The following HS3ST3A1 variants were observed in gnomAD, a reference collection of about 807,000 sequenced individuals.
HS3ST3A1 encodes the protein heparan sulfate-glucosamine 3-sulfotransferase 3A1, also known as heparan sulfate glucosamine 3-O-sulfotransferase 3A1.
In HS3ST3A1, 19 loss-of-function variants were observed where a neutral mutation model predicts 25.7. That is an observed-to-expected ratio of 0.74 (90% CI 0.52 to 1.08). HS3ST3A1 has a LOEUF of 1.08. HS3ST3A1 is among the 50% of genes least tolerant of loss of function. The pLI is 0.00. For synonymous variants in HS3ST3A1, 226 were observed against 278.6 expected, an observed-to-expected ratio of 0.81 and a Z score of 1.88; for missense variants, 459 against 594.3, an observed-to-expected ratio of 0.77 and a Z score of 2.37.
At chr17:13,576,947 A>G (rs1907961022) in intron 1 of HS3ST3A1, among the ~76,000 whole-genome samples, 1 of 152,214 alleles carries the variant, frequency 6.6e-6, no homozygotes, top group Non-Finnish European at 1.5e-5. Flanking sequence ...AGACTGGGTA[A>G]TTTATAAAGG....
At chr17:13,510,075 T>C (rs1905811888) in intron 1 of HS3ST3A1, among the ~76,000 whole-genome samples, 1 of 152,216 alleles carries the variant, frequency 6.6e-6, no homozygotes, top group African/African-American at 2.4e-5. Flanking sequence ...GCCTACCTGG[T>C]TCTCAGGTCA....
chr17:13,525,642 A>T (rs897340270), intron 1 of HS3ST3A1, among the ~76,000 whole-genome samples: 4 of 152,158 alleles, frequency 2.6e-5, no homozygotes, highest in African/African-American at 9.7e-5. Flanking sequence ...ACTCTATATC[A>T]TAGAGGGTCA....
chr17:13,534,774 C>A (rs1039582014), intron 1 of HS3ST3A1, among the ~76,000 whole-genome samples: 2 of 151,806 alleles, frequency 1.3e-5, no homozygotes, highest in South Asian at 2.1e-4. Context: ...ACCTGTAATC[C>A]CAGCATTTTG....
intron 1 of HS3ST3A1, among the ~76,000 whole-genome samples, chr17:13,590,119 C>T (rs966559961): frequency 1.3e-5 from 2 of 152,132 alleles, no homozygotes; most frequent in Admixed American, 6.5e-5. Context: ...ACTCAGATTT[C>T]TCCTGCTAAT....
At chr17:13,599,850 A>G (rs532293250) in intron 1 of HS3ST3A1, among the ~76,000 whole-genome samples, 1 of 152,370 alleles carries the variant, frequency 6.6e-6, no homozygotes, top group South Asian at 2.1e-4. Flanking sequence ...CTGTCAGTCA[A>G]AAGACAAAAG....
Position 13,556,064 on chromosome 17 carries a change from T to A in HS3ST3A1, c.599+44467A>T, listed in dbSNP as rs551990296. 3.9e-5 allele frequency: 6 copies of A among 152,308 alleles called. No homozygotes were observed. In the East Asian group the frequency reaches 1.2e-3, roughly 29 times the overall value. The allele number at this position is 152,308 out of a possible 1,614,324, so 9.4% of individuals were successfully genotyped here. On this transcript the variant is annotated intron_variant, in intron 1 of 1. Coordinates refer to ENST00000284110, the MANE Select transcript of HS3ST3A1 (RefSeq NM_006042.3). ...TACTGAGCCCTAGTGAAGGGTGGCA[T>A]CCACATTCAGCTTTGAGGAATCAAG...
intron 1 of HS3ST3A1, among the ~76,000 whole-genome samples, chr17:13,523,501 T>A (rs183381713): frequency 1.3e-5 from 2 of 152,326 alleles, no homozygotes; most frequent in East Asian, 3.9e-4. Context: ...GTGTTGAATA[T>A]CAAATGTTGC....
In HS3ST3A1 at chr17:13,601,631, G is replaced by A. The variant is rs1203753402; in HGVS notation, c.-502C>T. Reference sequence around the variant, plus strand: ...GCTCCAGACAGTGGCGAGCGACAGTGACTTCCAGCCCCGGCTTTCTCTGGT... The same window carrying A: ...GCTCCAGACAGTGGCGAGCGACAGTAACTTCCAGCCCCGGCTTTCTCTGGT... On this transcript the variant is annotated 5_prime_UTR_variant, in exon 1 of 2. Coordinates refer to ENST00000284110, the MANE Select transcript of HS3ST3A1 (RefSeq NM_006042.3). 6.5e-6 allele frequency: 1 copy of A among 153,934 alleles called. No homozygotes were observed. The highest frequency in any genetic ancestry group is 6.5e-5 in the Admixed American group (1 of 15,324). 9.5% of individuals were successfully genotyped at this position (153,934 alleles called of 1,614,324 possible). A position where few individuals can be genotyped will look rare whatever the true frequency, so the allele number is the denominator to read the frequency against.
At chr17:13,522,795 TTCAAG>T (rs1474709566) in intron 1 of HS3ST3A1, among the ~76,000 whole-genome samples, 2 of 150,734 alleles carry the variant, frequency 1.3e-5, no homozygotes, top group African/African-American at 2.4e-5. Flanking sequence ...CCAAAGCTGT[TTCAAG>T]TCAAGTCAAG....
rs2142403374 is a variant in HS3ST3A1, at chr17:13,600,751, A to G, written c.379T>C (p.Ser127Pro). 2.6e-6 allele frequency: 4 copies of G among 1,520,350 alleles called. No individual in the cohort carries two copies. Among genetic ancestry groups the G allele is most frequent in the East Asian group, 2.5e-5 (1 of 39,394 alleles). The allele number at this position is 1,520,350 out of a possible 1,614,324, so 94.2% of individuals were successfully genotyped here. A position where few individuals can be genotyped will look rare whatever the true frequency, so the allele number is the denominator to read the frequency against. The change falls in exon 1 of 2, where the codon TCC becomes CCC. Residue 127 changes from serine (S) to proline (P), a missense_variant. Around this residue, in one of 3 missense-constraint regions of HS3ST3A1, gnomAD observed 346 missense variants for 303.9 expected, o/e 1.14. Coordinates refer to ENST00000284110, the MANE Select transcript of HS3ST3A1 (RefSeq NM_006042.3). Reference sequence around the variant, plus strand: ...TCGGCCACGGTGCTTCCGGCCCCGGAGCCGCCCGGACCCCCTGACAGGCCA... The same window carrying G: ...TCGGCCACGGTGCTTCCGGCCCCGGGGCCGCCCGGACCCCCTGACAGGCCA... ...SPGLSGGPGG[S>P]GAGSTVAEAP... is the part of the protein sequence containing the mutation.
At position 13,496,155 on chromosome 17, in the gene HS3ST3A1, T is replaced by A. The variant is rs761556942; in HGVS notation, c.*42A>T. 170 of 1,472,270 alleles carry A rather than the reference T, an allele frequency of 1.2e-4. 1 individual carries two copies. Among genetic ancestry groups the A allele is most frequent in the Admixed American group, 1.8e-4 (7 of 39,120 alleles). 91.2% of individuals were successfully genotyped at this position (1,472,270 alleles called of 1,614,324 possible). A position where few individuals can be genotyped will look rare whatever the true frequency, so the allele number is the denominator to read the frequency against. On this transcript the variant is annotated 3_prime_UTR_variant, in exon 2 of 2. Coordinates refer to ENST00000284110, the MANE Select transcript of HS3ST3A1 (RefSeq NM_006042.3). ...TCTTCTCTACCGATTGGTAAAAAAATATATTATATTTTGATTTTTTTTTTC... is the reference window on the plus strand; with the variant it reads ...TCTTCTCTACCGATTGGTAAAAAAAAATATTATATTTTGATTTTTTTTTTC...
chr17:13,589,560 A>C (rs1266958671), intron 1 of HS3ST3A1, among the ~76,000 whole-genome samples: 2 of 152,222 alleles, frequency 1.3e-5, no homozygotes, highest in African/African-American at 4.8e-5. Flanking sequence ...GCCTCATTAG[A>C]AAGAAAAAAG....
chr17:13,583,420 C>T lies in HS3ST3A1; in HGVS notation c.599+17111G>A, dbSNP rs1173451672. Among the ~76,000 whole-genome samples, 3 of 152,256 alleles carry T rather than the reference C, an allele frequency of 2.0e-5. No homozygotes were observed. In the East Asian group the frequency reaches 5.8e-4, roughly 29 times the overall value. On this transcript the variant is annotated intron_variant, in intron 1 of 1. Transcript: ENST00000284110. The stretch of plus-strand genomic sequence containing the variant: ...ATGCAGAGAGTCACAAGGAGTCTGG[C>T]TTTATTTTAATCAGGATATTAGAAA...
chr17:13,528,353 G>T (rs184235317), intron 1 of HS3ST3A1, among the ~76,000 whole-genome samples: 1 of 152,210 alleles, frequency 6.6e-6, no homozygotes, highest in Non-Finnish European at 1.5e-5. Flanking sequence ...GCTGTGTGAC[G>T]TGTGGGCAGC....
intron 1 of HS3ST3A1, among the ~76,000 whole-genome samples, chr17:13,506,745 A>T (rs1598408238): frequency 6.6e-6 from 1 of 152,260 alleles, no homozygotes; most frequent in East Asian, 1.9e-4. Context: ...TCTGTGCCTG[A>T]CACGTTGAAA....
At chr17:13,585,821 C>T (rs1908243112) in intron 1 of HS3ST3A1, among the ~76,000 whole-genome samples, 1 of 75,720 alleles carries the variant, frequency 1.3e-5, no homozygotes, top group East Asian at 1.5e-3. Context: ...CCCTTGAGAC[C>T]TGTTATTCCT....
At chr17:13,552,707 G>T (rs537964249) in intron 1 of HS3ST3A1, among the ~76,000 whole-genome samples, 2 of 152,320 alleles carry the variant, frequency 1.3e-5, no homozygotes, top group South Asian at 4.1e-4. Flanking sequence ...GGCAAGGCTG[G>T]AGAACTTTTT....
intron 1 of HS3ST3A1, among the ~76,000 whole-genome samples, chr17:13,519,310 G>A (rs1906151822): frequency 6.6e-6 from 1 of 152,134 alleles, no homozygotes; most frequent in Non-Finnish European, 1.5e-5. Flanking sequence ...AGAATAATTG[G>A]CTTTTGTTCT....
intron 1 of HS3ST3A1, among the ~76,000 whole-genome samples, chr17:13,502,095 G>A (rs780378464): frequency 6.6e-6 from 1 of 152,244 alleles, no homozygotes; most frequent in East Asian, 1.9e-4. Flanking sequence ...CCGTGCTAGG[G>A]AATTCCATTC....
Sources: allele counts gnomAD v4.1 joint callset (sites outside exome capture counted in the v4.1 genomes callset), GRCh38; gene constraint gnomAD v4.1.1; regional missense constraint gnomAD v4.1.1; transcripts MANE v1.5; gene names NCBI Gene and HGNC (gene_info 2026-07-23, HGNC 2026-07-21).